The following PIGL variants were observed in gnomAD, a reference collection of about 807,000 sequenced individuals.
The protein encoded by PIGL is phosphatidylinositol glycan anchor biosynthesis class L.
In PIGL, 22 loss-of-function variants were observed where a neutral mutation model predicts 31.1. The ratio of observed to expected loss-of-function variants is 0.71; its 90% CI spans 0.51 to 1.01. PIGL has a LOEUF of 1.01. Among genes scored for constraint, PIGL ranks in the 50% least tolerant of loss-of-function variants. The probability of loss-of-function intolerance (pLI) is 0.00; values close to 1 mark genes in which losing one functional copy is unlikely to be tolerated. For synonymous variants in PIGL, 131 were observed against 117.4 expected (o/e 1.12, Z -0.75); for missense variants, 302 against 315.9 (o/e 0.96, Z 0.33).
intron 2 of PIGL, among the ~76,000 whole-genome samples, chr17:16,287,990 G>A (rs554772444): frequency 1.3e-5 from 2 of 152,202 alleles, no homozygotes; most frequent in African/African-American, 4.8e-5. Context: ...TCACATATAG[G>A]CAAGTTACCT....
rs1293241526 is a variant in PIGL, at chr17:16,292,783, T to C, written c.336-7105T>C. Among the ~76,000 whole-genome samples the C allele has an allele frequency of 2.0e-5, 3 of 152,202 alleles. No individual in the cohort carries two copies. The East Asian group carries it at 5.8e-4, about 29-fold the overall frequency. ...TGTGATGGCTCACTCCCCAGAGTCC[T>C]TGCAGCTTGGTTTCCTCCTTTTTCA... On this transcript the variant is annotated intron_variant, in intron 2 of 6. Coordinates refer to ENST00000225609, the MANE Select transcript of PIGL (RefSeq NM_004278.4).
At chr17:16,323,398 T>A (rs1156800046) in intron 6 of PIGL, among the ~76,000 whole-genome samples, 1 of 151,924 alleles carries the variant, frequency 6.6e-6, no homozygotes, top group Non-Finnish European at 1.5e-5. Flanking sequence ...CACGCCTGGC[T>A]AATTTTGTAT....
chr17:16,316,836 C>T (rs189459574), intron 5 of PIGL, 124 bp downstream of exon 5: 41 of 1,513,706 alleles, frequency 2.7e-5, no homozygotes, highest in Non-Finnish European at 3.1e-5. Context: ...TTGGGGAGGC[C>T]GCCACACTCT....
At chr17:16,302,112 C>A (rs2093007374) in intron 3 of PIGL, among the ~76,000 whole-genome samples, 1 of 152,134 alleles carries the variant, frequency 6.6e-6, no homozygotes, top group African/African-American at 2.4e-5. Context: ...AATTTGCTCA[C>A]CCTGAGTCAC....
At chr17:16,307,179 G>A (rs1319915949) in intron 3 of PIGL, among the ~76,000 whole-genome samples, 2 of 152,160 alleles carry the variant, frequency 1.3e-5, no homozygotes, top group Admixed American at 1.3e-4. Flanking sequence ...TCTTCATGAG[G>A]TTCCCAATGA....
intron 3 of PIGL, among the ~76,000 whole-genome samples, chr17:16,307,207 G>T (rs1298410087): frequency 6.6e-6 from 1 of 152,180 alleles, no homozygotes; most frequent in Non-Finnish European, 1.5e-5. Context: ...ATCTCATGAT[G>T]GCCAGAAGCC....
intron 2 of PIGL, among the ~76,000 whole-genome samples, chr17:16,282,666 C>T (rs117139497): frequency 1.3e-5 from 2 of 152,280 alleles, no homozygotes; most frequent in Non-Finnish European, 2.9e-5. Flanking sequence ...GGAAGGTATC[C>T]TCCTCAAACT....
chr17:16,272,248 C>G (rs988487857), intron 2 of PIGL, among the ~76,000 whole-genome samples: 1 of 152,158 alleles, frequency 6.6e-6, no homozygotes, highest in Non-Finnish European at 1.5e-5. Flanking sequence ...GAATAGTTAA[C>G]AGCAATCTGT....
At chr17:16,316,564 T>C (rs2093077895) in intron 4 of PIGL, 117 bp from the exon 5 acceptor site, 2 of 980,158 alleles carry the variant, frequency 2.0e-6, no homozygotes, top group Non-Finnish European at 3.0e-6. Flanking sequence ...AGAAACCACC[T>C]GGAGACTCAC....
intron 2 of PIGL, among the ~76,000 whole-genome samples, chr17:16,251,914 G>A (rs764802177): frequency 4.0e-5 from 6 of 151,890 alleles, no homozygotes; most frequent in Admixed American, 2.6e-4. Context: ...ACTTGGGAAC[G>A]GTATGTGATT....
At chr17:16,312,339 G>C (rs2093056085) in intron 3 of PIGL, 1 of 167,198 alleles carries the variant, frequency 6.0e-6, no homozygotes, top group Admixed American at 6.4e-5. Flanking sequence ...CAGGGCAGAG[G>C]CGCTCCCCAC....
At chr17:16,251,625 T>C (rs900812700) in intron 2 of PIGL, among the ~76,000 whole-genome samples, 1 of 149,618 alleles carries the variant, frequency 6.7e-6, no homozygotes, top group Admixed American at 6.8e-5. Context: ...ATCTCAGTTG[T>C]AAGACCACTA....
rs34479966 is a variant in PIGL, at chr17:16,306,522, C to CTT, written c.426+6563_426+6564dup. Among the ~76,000 whole-genome samples the CTT allele has an allele frequency of 1.7e-3, 195 of 113,652 alleles. 5 individuals are homozygous for CTT. Among genetic ancestry groups the CTT allele is most frequent in the Middle Eastern group, 0.015 (3 of 202 alleles). 74.6% of individuals were successfully genotyped at this position (113,652 alleles called of 152,430 possible). A position where few individuals can be genotyped will look rare whatever the true frequency, so the allele number is the denominator to read the frequency against. On this transcript the variant is annotated intron_variant, in intron 3 of 6. Transcript: ENST00000225609. ...GAACCAGGTGTTTGAGTTATACGAT[C>CTT]TTTTTTTTTTTTTTTTTTTTCTTGA... is the stretch of plus-strand genomic sequence containing the variant.
At chr17:16,259,383 C>A (rs79555752) in intron 2 of PIGL, among the ~76,000 whole-genome samples, 6,562 of 150,496 alleles carry the variant, frequency 0.044, 158 homozygotes, top group African/African-American at 0.072. Flanking sequence ...CTCTTTTCAA[C>A]AAATGGTGAT....
At chr17:16,217,869 A>G (rs2092600948) in intron 1 of PIGL, 1 of 157,136 alleles carries the variant, frequency 6.4e-6, no homozygotes, top group Non-Finnish European at 1.4e-5. Context: ...GTTAACTTCT[A>G]ATGATAGTAA....
At chr17:16,272,401 A>G (rs112962996) in intron 2 of PIGL, among the ~76,000 whole-genome samples, 1 of 152,046 alleles carries the variant, frequency 6.6e-6, no homozygotes, top group Non-Finnish European at 1.5e-5. Context: ...ATTTGCCTCT[A>G]TTCCTATTGT....
chr17:16,238,437 C>CTTT (rs1168033433), intron 2 of PIGL, among the ~76,000 whole-genome samples: 8 of 127,758 alleles, frequency 6.3e-5, no homozygotes, highest in African/African-American at 1.7e-4. Flanking sequence ...TTCTTTTTTT[C>CTTT]TTTTTTTTTT....
intron 2 of PIGL, among the ~76,000 whole-genome samples, chr17:16,236,999 G>A (rs1391699399): frequency 1.3e-5 from 2 of 151,480 alleles, no homozygotes. Context: ...GTGAACTGGC[G>A]TGATCACACT....
chr17:16,240,934 G>A (rs1284861150), intron 2 of PIGL, among the ~76,000 whole-genome samples: 2 of 151,534 alleles, frequency 1.3e-5, no homozygotes, highest in African/African-American at 2.4e-5. Flanking sequence ...GACCAACATG[G>A]AGAAACCCGG....
Sources: gnomAD v4.1 joint callset for allele counts (sites outside exome capture counted in the v4.1 genomes callset) on GRCh38, gnomAD v4.1.1 for gene constraint, MANE v1.5 for transcripts, NCBI Gene and HGNC (gene_info 2026-07-23, HGNC 2026-07-21) for gene names.